Variants in TMEM65 observed in about 807,000 individuals in gnomAD.
TMEM65 encodes transmembrane protein 65.
Under a neutral mutation model 25.4 loss-of-function variants are expected in TMEM65, and 22 were observed. The ratio of observed to expected loss-of-function variants is 0.86; its 90% CI spans 0.62 to 1.23. The LOEUF (loss-of-function observed/expected upper bound fraction) is 1.23. TMEM65 is among the 50% of genes most tolerant of loss of function. TMEM65 has a pLI of 0.00. For missense variants in TMEM65, 262 were observed against 308.2 expected, an observed-to-expected ratio of 0.85 and a Z score of 1.12; for synonymous variants, 132 against 126.2, an observed-to-expected ratio of 1.05 and a Z score of -0.31.
intron 3 of TMEM65, among the ~76,000 whole-genome samples, chr8:124,326,947 T>C (rs1405006098): frequency 6.6e-6 from 1 of 152,022 alleles, no homozygotes; most frequent in Non-Finnish European, 1.5e-5. Flanking sequence ...TATCAAAACA[T>C]GCTTTAAAAC....
chr8:124,340,981 T>C (rs993622316), intron 1 of TMEM65, among the ~76,000 whole-genome samples: 3 of 152,088 alleles, frequency 2.0e-5, no homozygotes, highest in Admixed American at 6.6e-5. Flanking sequence ...GATTCATAGA[T>C]TTGCAAATCT....
chr8:124,315,072 T>A (rs928167113), intron 6 of TMEM65, among the ~76,000 whole-genome samples: 1 of 152,172 alleles, frequency 6.6e-6, no homozygotes, highest in Non-Finnish European at 1.5e-5. Context: ...TTAAGTTTCA[T>A]TTCCTCATAC....
chr8:124,335,630 A>T (rs1047177815), intron 1 of TMEM65, among the ~76,000 whole-genome samples: 2 of 152,142 alleles, frequency 1.3e-5, no homozygotes, highest in African/African-American at 4.8e-5. Context: ...CATTTCTATG[A>T]TGAAAATAAA....
intron 3 of TMEM65, among the ~76,000 whole-genome samples, chr8:124,324,146 A>C (rs1457443046): frequency 1.3e-5 from 2 of 152,114 alleles, no homozygotes; most frequent in Non-Finnish European, 2.9e-5. Context: ...TGCCATTAGA[A>C]GACTTAATTT....
At chr8:124,327,177 T>G (rs561867893) in intron 3 of TMEM65, among the ~76,000 whole-genome samples, 177 bp downstream of exon 3, 39 of 152,134 alleles carry the variant, frequency 2.6e-4, no homozygotes, top group African/African-American at 9.4e-4. Context: ...GTCTTAATGA[T>G]TAATAAATAT....
At position 124,308,466 on chromosome 8, in the gene TMEM65, C is replaced by G. The variant is rs1309962716; in HGVS notation, c.*5494G>C. ...TTGCTACAGAAGACATGAAAGCCAT[C>G]AAGCCCAAAACAATAAATTCCTGCT... is the stretch of plus-strand genomic sequence containing the variant. On this transcript the variant is annotated 3_prime_UTR_variant, in exon 7 of 7. Transcript: ENST00000297632. The G allele has an allele frequency of 6.6e-6, 1 of 152,172 alleles. No homozygotes were observed. The highest frequency in any genetic ancestry group is 2.4e-5 in the African/African-American group (1 of 41,438). 9.4% of individuals were successfully genotyped at this position (152,172 alleles called of 1,614,324 possible).
intron 1 of TMEM65, among the ~76,000 whole-genome samples, chr8:124,338,171 A>C (rs1814535333): frequency 6.6e-6 from 1 of 152,120 alleles, no homozygotes; most frequent in South Asian, 2.1e-4. Flanking sequence ...TTAAATAATG[A>C]ATATTTCCCA....
In TMEM65 at chr8:124,322,732, T is replaced by A. The variant is rs565071721; in HGVS notation, c.473-585A>T. On this transcript the variant is annotated intron_variant, in intron 4 of 6. Coordinates refer to ENST00000297632, the MANE Select transcript of TMEM65 (RefSeq NM_194291.3). ...TAAATAATAGGCTGGGCGTGGTGGC[T>A]CACATCTGTAATCCTAGCACTTTGG... 3.9e-5 allele frequency among the ~76,000 whole-genome samples: 6 copies of A among 152,102 alleles called. No homozygotes were observed. In the South Asian group the frequency reaches 1.2e-3, roughly 32 times the overall value.
intron 1 of TMEM65, among the ~76,000 whole-genome samples, chr8:124,357,002 C>T (rs1398328710): frequency 1.3e-5 from 2 of 152,072 alleles, no homozygotes; most frequent in Non-Finnish European, 2.9e-5. Context: ...GCCACCGTTC[C>T]TGGTCTTATT....
chr8:124,327,700 AC>A (rs1814382779), intron 2 of TMEM65, among the ~76,000 whole-genome samples: 1 of 151,848 alleles, frequency 6.6e-6, no homozygotes, highest in African/African-American at 2.4e-5. Context: ...ACACACACAC[AC>A]ACACAAATAT....
In TMEM65 at chr8:124,371,912, C is replaced by T; in HGVS notation, c.246G>A (p.Thr82=). Residue 82 remains threonine (T), a synonymous_variant, in exon 1 of 7, where the codon ACG becomes ACA. Coordinates refer to ENST00000297632, the MANE Select transcript of TMEM65 (RefSeq NM_194291.3). Reference sequence around the variant, plus strand: ...GCTCTTTGAGCAGGCAGCTCCTCTCCGTGGAGTGCAGGCTGTAGATGAAGT... The same window carrying T: ...GCTCTTTGAGCAGGCAGCTCCTCTCTGTGGAGTGCAGGCTGTAGATGAAGT... ...ARDFIYSLHS[T]ERSCLLKELH... 1 of 1,546,910 alleles carries T rather than the reference C, an allele frequency of 6.5e-7. No individual in the cohort carries two copies.
chr8:124,330,684 T>C, intron 2 of TMEM65, 64 bp downstream of exon 2: 1 of 1,462,584 alleles, frequency 6.8e-7, no homozygotes. Context: ...TATCAATGAA[T>C]GATACAGTTA....
chr8:124,327,659 T>G (rs1266336691), intron 2 of TMEM65, among the ~76,000 whole-genome samples: 1 of 140,406 alleles, frequency 7.1e-6, no homozygotes, highest in Non-Finnish European at 1.5e-5. Context: ...ACTTTTGTGT[T>G]TTCTTACTGG....
intron 1 of TMEM65, among the ~76,000 whole-genome samples, chr8:124,346,149 G>C (rs970989888): frequency 6.6e-6 from 1 of 152,184 alleles, no homozygotes; most frequent in Admixed American, 6.5e-5. Context: ...TATCTTACAT[G>C]GCAGCAAGAG....
At chr8:124,359,847 A>G (rs1814837481) in intron 1 of TMEM65, among the ~76,000 whole-genome samples, 1 of 152,194 alleles carries the variant, frequency 6.6e-6, no homozygotes, top group Admixed American at 6.5e-5. Context: ...ATTATACCAC[A>G]CTAAAGGCTA....
chr8:124,354,994 A>G (rs1814760647), intron 1 of TMEM65, among the ~76,000 whole-genome samples: 1 of 152,216 alleles, frequency 6.6e-6, no homozygotes, highest in African/African-American at 2.4e-5. Flanking sequence ...ATTCGGTGGG[A>G]AAAACACAGG....
At position 124,311,934 on chromosome 8, in the gene TMEM65, A is replaced by G. The variant is rs1814166922; in HGVS notation, c.*2026T>C. ...ACCAGTAATTCCCTGGGACCAGATT[A>G]CTTTCAAGAGCAAGAAGAAAAAACA... On this transcript the variant is annotated 3_prime_UTR_variant, in exon 7 of 7. Coordinates refer to ENST00000297632, the MANE Select transcript of TMEM65 (RefSeq NM_194291.3). 6.6e-6 allele frequency: 1 copy of G among 152,562 alleles called. No individual in the cohort carries two copies. Among genetic ancestry groups the G allele is most frequent in the Admixed American group, 6.6e-5 (1 of 15,262 alleles). The allele number at this position is 152,562 out of a possible 1,614,324, so 9.5% of individuals were successfully genotyped here.
Position 124,340,150 on chromosome 8 carries a change from T to C in TMEM65, c.305-9358A>G, listed in dbSNP as rs576123920. On this transcript the variant is annotated intron_variant, in intron 1 of 6. Coordinates refer to ENST00000297632, the MANE Select transcript of TMEM65 (RefSeq NM_194291.3). The stretch of plus-strand genomic sequence containing the variant: ...GTTGTAGCTATCTGGGCAGGAAATA[T>C]TCCACTGGCCAGAAAAACAATTTGG... Among the ~76,000 whole-genome samples the C allele has an allele frequency of 4.6e-5, 7 of 152,312 alleles. No individual in the cohort carries two copies. In the South Asian group the frequency reaches 1.5e-3, roughly 32 times the overall value.
chr8:124,315,854 C>T (rs938529151), intron 6 of TMEM65, among the ~76,000 whole-genome samples: 4 of 152,142 alleles, frequency 2.6e-5, no homozygotes, highest in African/African-American at 9.7e-5. Flanking sequence ...ATTCCACATG[C>T]TGATAAAGTT....
Sources: gnomAD v4.1 joint callset for allele counts (sites outside exome capture counted in the v4.1 genomes callset) on GRCh38, gnomAD v4.1.1 for gene constraint, MANE v1.5 for transcripts, NCBI Gene and HGNC (gene_info 2026-07-23, HGNC 2026-07-21) for gene names.